PHC2: variants seen among roughly 807,000 people sequenced by gnomAD.
PHC2 encodes polyhomeotic homolog 2.
A neutral mutation model predicts 87.4 loss-of-function variants in PHC2; 29 were observed. The observed-to-expected ratio is 0.33, with a 90% CI of 0.25 to 0.45. The LOEUF (loss-of-function observed/expected upper bound fraction) is 0.45. Among genes scored for constraint, PHC2 ranks in the 20% least tolerant of loss-of-function variants. The pLI, the probability that PHC2 is intolerant of heterozygous loss-of-function variation, is 1.00. For missense variants in PHC2, 857 were observed against 1,136.7 expected (o/e 0.75, Z 3.54); for synonymous variants, 438 against 461.7 (o/e 0.95, Z 0.66).
At chr1:33,428,829 T>TG (rs1650787737) in intron 1 of PHC2, among the ~76,000 whole-genome samples, 1 of 152,180 alleles carries the variant, frequency 6.6e-6, no homozygotes, top group Admixed American at 6.5e-5. Flanking sequence ...GGAAAGCCTA[T>TG]GGAGGGCCTG....
intron 7 of PHC2, among the ~76,000 whole-genome samples, chr1:33,357,557 T>C (rs569437270): frequency 3.3e-5 from 5 of 152,304 alleles, no homozygotes; most frequent in African/African-American, 4.8e-5. Flanking sequence ...TTTGGGAAAC[T>C]TGGACACCAG....
intron 7 of PHC2, 115 bp downstream of exon 7, chr1:33,367,001 G>T: frequency 1.1e-6 from 1 of 899,280 alleles, no homozygotes; most frequent in Non-Finnish European, 1.7e-6. Context: ...AGGAGAGAGA[G>T]ATCCATGGCT....
chr1:33,330,230 C>G lies in PHC2; in HGVS notation c.2007-18G>C, dbSNP rs1227256663. ...CGTTGTACCTTCAGGGACAGGGGAA[C>G]AGGGGATGTCACAGTAGTCATTGTG... On this transcript the variant is annotated intron_variant, in intron 12 of 14. Coordinates refer to ENST00000683057, the MANE Select transcript of PHC2 (RefSeq NM_001385109.1). 1.9e-6 allele frequency: 3 copies of G among 1,613,294 alleles called. No homozygotes were observed. The highest frequency in any genetic ancestry group is 1.7e-5 in the Admixed American group (1 of 60,024).
chr1:33,387,060 T>G (rs935046863), intron 1 of PHC2, among the ~76,000 whole-genome samples: 1 of 152,234 alleles, frequency 6.6e-6, no homozygotes, highest in African/African-American at 2.4e-5. Flanking sequence ...TTATCAGGCT[T>G]TCAGAATAAA....
In PHC2 at chr1:33,424,313, AC is replaced by A. The variant is rs573866945; in HGVS notation, c.-55+6662del. ...CAAGTCTCTTGAAAAGTCTAAAGCC[AC>A]CTTTATCTGTACCCATGGTTTCTAC... On this transcript the variant is annotated intron_variant, in intron 1 of 14. Coordinates refer to ENST00000683057, the MANE Select transcript of PHC2 (RefSeq NM_001385109.1). Among the ~76,000 whole-genome samples the A allele has an allele frequency of 3.2e-3, 488 of 152,232 alleles. 1 individual carries two copies. Among genetic ancestry groups the A allele is most frequent in the African/African-American group, 0.011 (469 of 41,546 alleles).
At chr1:33,414,218 C>CACA (rs1020548069) in intron 1 of PHC2, among the ~76,000 whole-genome samples, 2 of 147,516 alleles carry the variant, frequency 1.4e-5, no homozygotes, top group African/African-American at 2.5e-5. Context: ...CACACACACA[C>CACA]AAGAAAGGTT....
At chr1:33,362,772 C>T (rs1647229485) in intron 7 of PHC2, among the ~76,000 whole-genome samples, 1 of 151,876 alleles carries the variant, frequency 6.6e-6, no homozygotes, top group Admixed American at 6.5e-5. Context: ...AATCATGTTT[C>T]AAAGCACAAC....
intron 9 of PHC2, among the ~76,000 whole-genome samples, chr1:33,342,512 GCCACCCTCCCC>G (rs1202734880): frequency 6.6e-6 from 1 of 151,994 alleles, no homozygotes; most frequent in Non-Finnish European, 1.5e-5. Context: ...GGAGCGAACA[GCCACCCTCCCC>G]CCACCCCATG....
chr1:33,430,450 C>T (rs1650861684), intron 1 of PHC2, among the ~76,000 whole-genome samples: 1 of 152,192 alleles, frequency 6.6e-6, no homozygotes, highest in Non-Finnish European at 1.5e-5. Flanking sequence ...CGCTGTCACG[C>T]CGCGGCTGGG....
chr1:33,350,881 CTTATATTTTGTT>C (rs1180741281), intron 9 of PHC2, among the ~76,000 whole-genome samples: 4 of 152,164 alleles, frequency 2.6e-5, no homozygotes, highest in African/African-American at 9.7e-5. Flanking sequence ...ATTTCTTACA[CTTATATTTTGTT>C]TTATAAACTA....
chr1:33,406,585 G>C (rs540807452), intron 1 of PHC2, among the ~76,000 whole-genome samples: 1 of 152,288 alleles, frequency 6.6e-6, no homozygotes, highest in East Asian at 1.9e-4. Flanking sequence ...GTAAACAGCA[G>C]AGAGTTATAG....
intron 9 of PHC2, chr1:33,335,110 T>A: frequency 1.3e-6 from 1 of 796,062 alleles, no homozygotes; most frequent in Non-Finnish European, 1.5e-6. Context: ...CCCATGGGCC[T>A]GCTAGCCTTC....
At chr1:33,418,322 A>G (rs1254469710) in intron 1 of PHC2, among the ~76,000 whole-genome samples, 1 of 151,806 alleles carries the variant, frequency 6.6e-6, no homozygotes, top group Non-Finnish European at 1.5e-5. Context: ...ATAAACCTCT[A>G]GCCAGATTGA....
At chr1:33,397,968 C>T (rs1215315342) in intron 1 of PHC2, among the ~76,000 whole-genome samples, 1 of 152,062 alleles carries the variant, frequency 6.6e-6, no homozygotes, top group African/African-American at 2.4e-5. Flanking sequence ...ACTTTGTTCC[C>T]TGTGCATGTA....
intron 1 of PHC2, among the ~76,000 whole-genome samples, chr1:33,397,374 C>T (rs1649337394): frequency 6.6e-6 from 1 of 152,186 alleles, no homozygotes; most frequent in African/African-American, 2.4e-5. Context: ...GGCCCCACCC[C>T]AGACCTGCTG....
rs1647332913 is a variant in PHC2, at chr1:33,364,465, G to A, written c.976+2651C>T. Among the ~76,000 whole-genome samples the A allele has an allele frequency of 2.0e-5, 3 of 151,532 alleles. No homozygotes were observed. The highest frequency in any genetic ancestry group is 7.3e-5 in the African/African-American group (3 of 41,114). ...TTCTCTCCTGCTCTCAGATCCCTTG[G>A]TTCATTGACAGTGGGTTGGCTGGGC... On this transcript the variant is annotated intron_variant, in intron 7 of 14. Transcript: ENST00000683057. The surrounding 1 kb of genome is among the most constrained non-coding windows in gnomAD (Gnocchi z 4.1).
chr1:33,343,960 G>A (rs575058098), intron 9 of PHC2, among the ~76,000 whole-genome samples: 17 of 152,148 alleles, frequency 1.1e-4, no homozygotes, highest in Non-Finnish European at 2.2e-4. Flanking sequence ...TAATCTAAAG[G>A]ACAAGAAGAC....
chr1:33,380,953 A>G (rs1648462881), intron 1 of PHC2, among the ~76,000 whole-genome samples: 1 of 151,718 alleles, frequency 6.6e-6, no homozygotes. Flanking sequence ...GCTACTTCCT[A>G]CCTCTGTGGT....
At position 33,324,928 on chromosome 1, in the gene PHC2, C is replaced by G; in HGVS notation, c.2517G>C (p.Met839Ile). 6.2e-7 allele frequency: 1 copy of G among 1,614,020 alleles called. No individual in the cohort carries two copies. Among genetic ancestry groups the G allele is most frequent in the Non-Finnish European group, 8.5e-7 (1 of 1,179,906 alleles). The part of the protein sequence containing the change: ...LLKEDHLMSA[M>I]NIKLGPALKI... ...TCAGGGCGGGCCCCAGCTTGATGTT[C>G]ATGGCGCTCATCAGGTGGTCCTCCT... is the stretch of plus-strand genomic sequence containing the variant. Residue 839 changes from methionine (M) to isoleucine (I), a missense_variant, in exon 15 of 15, where the codon ATG becomes ATC. Physicochemically the swap from Met to Ile is conservative, Grantham distance 10 (BLOSUM62 1). Coordinates refer to ENST00000683057, the MANE Select transcript of PHC2 (RefSeq NM_001385109.1).
Sources: gnomAD v4.1 joint callset for allele counts (sites outside exome capture counted in the v4.1 genomes callset) on GRCh38, gnomAD v4.1.1 for gene constraint, Gnocchi (gnomAD v3.1) non-coding constraint, MANE v1.5 for transcripts, NCBI Gene and HGNC (gene_info 2026-07-23, HGNC 2026-07-21) for gene names.